BCL2L13: variants seen among roughly 807,000 people sequenced by gnomAD.
The protein encoded by BCL2L13 is BCL2 like 13.
BCL2L13 carries 13 observed loss-of-function variants against 25.8 expected under a neutral mutation model. The observed-to-expected ratio is 0.50, with a 90% CI of 0.33 to 0.80. BCL2L13 has a LOEUF of 0.80. Among genes scored for constraint, BCL2L13 ranks in the 30% least tolerant of loss-of-function variants. The pLI is 0.02. For synonymous variants in BCL2L13, 244 were observed against 230.3 expected, an observed-to-expected ratio of 1.06 and a Z score of -0.54; for missense variants, 504 against 574.9, an observed-to-expected ratio of 0.88 and a Z score of 1.26.
intron 1 of BCL2L13, among the ~76,000 whole-genome samples, chr22:17,630,591 C>T (rs58419123): frequency 0.19 from 23,164 of 120,298 alleles, 2,995 homozygotes; most frequent in African/African-American, 0.42. Flanking sequence ...TTTTTCTTTT[C>T]TTTTTTTTTT....
Position 17,727,465 on chromosome 22 carries a change from T to C in BCL2L13, c.1389T>C (p.Phe463=). The change falls in exon 7 of 7, where the codon TTT becomes TTC. Residue 463 remains phenylalanine, a synonymous_variant. Coordinates refer to ENST00000317582, the MANE Select transcript of BCL2L13 (RefSeq NM_015367.4). The part of the protein sequence containing the change: ...PLSEGKSILL[F]GGAAAVAILA... ...CTGAGGGCAAGTCTATACTGCTGTT[T>C]GGAGGGGCTGCTGCTGTTGCCATCC... 2.5e-6 allele frequency: 4 copies of C among 1,614,276 alleles called. No homozygotes were observed. The highest frequency in any genetic ancestry group is 2.2e-5 in the East Asian group (1 of 44,886).
intron 4 of BCL2L13, among the ~76,000 whole-genome samples, chr22:17,690,659 A>G (rs989718488): frequency 2.6e-5 from 4 of 152,134 alleles, no homozygotes; most frequent in Admixed American, 2.0e-4. Context: ...GCCACTTGGG[A>G]GGCTGAGGTG....
chr22:17,666,200 A>AT (rs2059226215), intron 2 of BCL2L13, among the ~76,000 whole-genome samples: 2 of 150,278 alleles, frequency 1.3e-5, no homozygotes, highest in Non-Finnish European at 3.0e-5. Flanking sequence ...TTTTAAATGT[A>AT]TTTTTATTTT....
chr22:17,644,380 AAGTGC>A (rs2058398584), intron 1 of BCL2L13, among the ~76,000 whole-genome samples: 1 of 146,096 alleles, frequency 6.8e-6, no homozygotes, highest in Non-Finnish European at 1.5e-5. Flanking sequence ...CACAAGGCTG[AAGTGC>A]AGTGGCACTA....
intron 4 of BCL2L13, chr22:17,695,879 C>T: frequency 6.6e-6 from 2 of 302,800 alleles, no homozygotes; most frequent in South Asian, 6.3e-5. Context: ...CTGTAAGTTC[C>T]AAGCAGTTAC....
chr22:17,631,853 C>T (rs371244573), intron 1 of BCL2L13, among the ~76,000 whole-genome samples: 1 of 149,822 alleles, frequency 6.7e-6, no homozygotes, highest in Admixed American at 6.7e-5. Flanking sequence ...TCCTGTGTAG[C>T]TGGGACTATA....
At chr22:17,701,195 A>G (rs2060423100) in intron 5 of BCL2L13, among the ~76,000 whole-genome samples, 1 of 152,156 alleles carries the variant, frequency 6.6e-6, no homozygotes, top group South Asian at 2.1e-4. Context: ...ATAGATTGTA[A>G]TGGCATCTTT....
At chr22:17,706,787 C>CTT in intron 6 of BCL2L13, 1 of 1,351,994 alleles carries the variant, frequency 7.4e-7, no homozygotes, top group Non-Finnish European at 9.8e-7. Context: ...CGTTAGAAGT[C>CTT]TGTCTGTCTC....
At chr22:17,700,737 G>C (rs899326285) in intron 5 of BCL2L13, among the ~76,000 whole-genome samples, 26 of 152,278 alleles carry the variant, frequency 1.7e-4, no homozygotes, top group Admixed American at 7.8e-4. Flanking sequence ...TTAAGAAGGA[G>C]TTTTCAATAT....
chr22:17,710,570 ACT>A (rs1392738440), intron 6 of BCL2L13, among the ~76,000 whole-genome samples: 2 of 151,384 alleles, frequency 1.3e-5, no homozygotes, highest in Non-Finnish European at 2.9e-5. Context: ...ACAGAGCAAG[ACT>A]CTGTCTCAAA....
intron 6 of BCL2L13, among the ~76,000 whole-genome samples, chr22:17,719,827 CAAAAAAAA>C (rs60474373): frequency 3.3e-5 from 3 of 91,098 alleles, no homozygotes; most frequent in African/African-American, 7.4e-5. Context: ...GACTCCATCT[CAAAAAAAA>C]AAAAAAAAAA....
intron 1 of BCL2L13, among the ~76,000 whole-genome samples, chr22:17,649,733 C>A (rs1823640679): frequency 6.6e-6 from 1 of 151,768 alleles, no homozygotes; most frequent in African/African-American, 2.4e-5. Flanking sequence ...AAACTCCTGA[C>A]CTTAGGTGAT....
At chr22:17,696,037 C>A in intron 4 of BCL2L13, 104 bp from the exon 5 acceptor site, 2 of 714,420 alleles carry the variant, frequency 2.8e-6, no homozygotes, top group Admixed American at 2.2e-5. Flanking sequence ...TAATCTTTGT[C>A]AGTTTAGCAA....
intron 6 of BCL2L13, among the ~76,000 whole-genome samples, chr22:17,720,276 C>A (rs1454281200): frequency 1.3e-5 from 2 of 152,216 alleles, no homozygotes; most frequent in South Asian, 4.1e-4. Context: ...TCAAGTGATT[C>A]TCCCACCTCA....
At chr22:17,675,002 C>G (rs1375278454) in intron 2 of BCL2L13, among the ~76,000 whole-genome samples, 1 of 152,012 alleles carries the variant, frequency 6.6e-6, no homozygotes, top group Non-Finnish European at 1.5e-5. Context: ...GTGAGATCCT[C>G]TACAATTATA....
chr22:17,646,953 ATATTT>A (rs1354375575), intron 1 of BCL2L13, among the ~76,000 whole-genome samples: 156 of 21,550 alleles, frequency 7.2e-3, no homozygotes, highest in Middle Eastern at 0.071. Context: ...ATATATATAT[ATATTT>A]TTTTTTTTTT....
In BCL2L13 at chr22:17,660,685, A is replaced by G. The variant is rs887615448; in HGVS notation, c.121+4853A>G. 2.0e-5 allele frequency among the ~76,000 whole-genome samples: 3 copies of G among 146,688 alleles called. 1 individual carries two copies. The highest frequency in any genetic ancestry group is 4.7e-5 in the Non-Finnish European group (3 of 64,458). On this transcript the variant is annotated intron_variant, in intron 2 of 6. Coordinates refer to ENST00000317582, the MANE Select transcript of BCL2L13 (RefSeq NM_015367.4). ...AGTGATCCGCTCACCTTGGCCTCCC[A>G]AAGTGTTGGGATTACAGGTGTGAGC...
intron 1 of BCL2L13, among the ~76,000 whole-genome samples, chr22:17,630,574 G>A (rs1432614799): frequency 2.7e-5 from 4 of 148,300 alleles, no homozygotes; most frequent in Non-Finnish European, 4.5e-5. Context: ...CACTGCACCC[G>A]GCCTTCTTTT....
At chr22:17,694,564 G>A (rs2060207877) in intron 4 of BCL2L13, among the ~76,000 whole-genome samples, 1 of 151,822 alleles carries the variant, frequency 6.6e-6, no homozygotes, top group African/African-American at 2.4e-5. Context: ...TGTCACCAGT[G>A]CAAATATTTC....
Sources: allele counts gnomAD v4.1 joint callset (sites outside exome capture counted in the v4.1 genomes callset), GRCh38; gene constraint gnomAD v4.1.1; transcripts MANE v1.5; gene names NCBI Gene and HGNC (gene_info 2026-07-23, HGNC 2026-07-21).